The following GAS2L3 variants were observed in gnomAD, a reference collection of about 807,000 sequenced individuals.
GAS2L3 encodes growth arrest specific 2 like 3.
In GAS2L3, 28 loss-of-function variants were observed where a neutral mutation model predicts 37.0. The observed-to-expected ratio is 0.76, with a 90% CI of 0.56 to 1.04. The LOEUF (loss-of-function observed/expected upper bound fraction) is 1.04. Ranked by LOEUF, GAS2L3 falls within the 50% of genes least tolerant of loss-of-function variation. The probability of loss-of-function intolerance (pLI) is 0.00; values close to 1 mark genes in which losing one functional copy is unlikely to be tolerated. For synonymous variants in GAS2L3, 290 were observed against 296.6 expected (o/e 0.98, Z 0.23); for missense variants, 793 against 817.6 (o/e 0.97, Z 0.37).
At position 100,622,382 on chromosome 12, in the gene GAS2L3, A is replaced by C; in HGVS notation, c.756A>C (p.Arg252Ser). The stretch of plus-strand genomic sequence containing the variant: ...TAGGGGATAAAATACTCTTTATAAG[A>C]GTAAGTCCATTATTTACACTTTATT... ...YRLGDKILFIRMLHGKHVMVR... is the reference protein window; with the variant it reads ...YRLGDKILFISMLHGKHVMVR... The change falls in exon 9 of 10, where the codon AGA (arginine) becomes AGC (serine). Residue 252 changes from arginine (R) to serine (S), a missense_variant and splice_region_variant. Arg to Ser is a moderately radical substitution (Grantham distance 110). Transcript: ENST00000547754. 1 of 1,385,850 alleles carries C rather than the reference A, an allele frequency of 7.2e-7. No homozygotes were observed. The highest frequency in any genetic ancestry group is 1.0e-6 in the Non-Finnish European group (1 of 979,674). 85.8% of individuals were successfully genotyped at this position (1,385,850 alleles called of 1,614,324 possible). A position where few individuals can be genotyped will look rare whatever the true frequency, so the allele number is the denominator to read the frequency against.
chr12:100,578,654 C>T (rs1955668009), intron 1 of GAS2L3: 1 of 293,988 alleles, frequency 3.4e-6, no homozygotes, highest in South Asian at 8.2e-5. Flanking sequence ...GTGGGAGGTC[C>T]AGACACAGGT....
At chr12:100,576,095 G>A (rs1955633559) in intron 1 of GAS2L3, among the ~76,000 whole-genome samples, 1 of 152,170 alleles carries the variant, frequency 6.6e-6, no homozygotes, top group Non-Finnish European at 1.5e-5. Context: ...TTGGAGTTTT[G>A]ATGTTTGGAG....
chr12:100,586,341 C>T (rs1955781134), intron 1 of GAS2L3, among the ~76,000 whole-genome samples: 1 of 152,142 alleles, frequency 6.6e-6, no homozygotes, highest in Non-Finnish European at 1.5e-5. Flanking sequence ...ATAAAACGAG[C>T]CTCAGTAAAT....
At position 100,624,803 on chromosome 12, in the gene GAS2L3, T is replaced by G. The variant is rs776499087; in HGVS notation, c.1998T>G (p.Asp666Glu). 6.2e-7 allele frequency: 1 copy of G among 1,613,736 alleles called. No homozygotes were observed. The highest frequency in any genetic ancestry group is 1.1e-5 in the South Asian group (1 of 91,038). The stretch of plus-strand genomic sequence containing the variant: ...CACCCTCATCTGTTAAGGATGCAGA[T>G]AGTGGAGATAAAAAACCTACTGCAA... ...RKPPSSVKDA[D>E]SGDKKPTAKK... The change falls in exon 10 of 10, where the codon GAT becomes GAG. Residue 666 changes from aspartate (D) to glutamate (E), a missense_variant. Transcript: ENST00000547754.
chr12:100,618,466 C>G lies in GAS2L3; in HGVS notation c.527C>G (p.Pro176Arg), dbSNP rs745758550. Reference sequence around the variant, plus strand: ...GTTTTCAGATACGGGGTTGAGCCACCAGTGTTAGTAAAACTTGAGAAAGAA... The same window carrying G: ...GTTTTCAGATACGGGGTTGAGCCACGAGTGTTAGTAAAACTTGAGAAAGAA... ...RIVSRYGVEP[P>R]VLVKLEKEIE... The change falls in exon 8 of 10, where the codon CCA becomes CGA. Residue 176 changes from proline to arginine, a missense_variant. Coordinates refer to ENST00000547754, the MANE Select transcript of GAS2L3 (RefSeq NM_174942.3). The G allele has an allele frequency of 6.2e-7, 1 of 1,609,614 alleles. No homozygotes were observed. Among genetic ancestry groups the G allele is most frequent in the Non-Finnish European group, 8.5e-7 (1 of 1,178,140 alleles).
intron 2 of GAS2L3, chr12:100,594,634 T>C (rs926708187): frequency 8.7e-6 from 2 of 229,298 alleles, no homozygotes; most frequent in African/African-American, 4.5e-5. Flanking sequence ...TTGATGCTAA[T>C]GCCAGAAAAT....
chr12:100,599,444 T>C (rs1955956041), intron 3 of GAS2L3, among the ~76,000 whole-genome samples: 1 of 152,204 alleles, frequency 6.6e-6, no homozygotes, highest in Non-Finnish European at 1.5e-5. Context: ...GTAGGCAAAA[T>C]TGAGATACTA....
chr12:100,603,203 T>C (rs1366941160), intron 5 of GAS2L3, among the ~76,000 whole-genome samples: 1 of 152,156 alleles, frequency 6.6e-6, no homozygotes, highest in Non-Finnish European at 1.5e-5. Context: ...TTTTAGTTTT[T>C]TGAGGAACCT....
intron 1 of GAS2L3, chr12:100,579,274 C>A: frequency 1.6e-6 from 1 of 612,460 alleles, no homozygotes; most frequent in Non-Finnish European, 3.0e-6. Context: ...CTCTTTGTGA[C>A]ACAAGCCGTA....
intron 8 of GAS2L3, 54 bp downstream of exon 8, chr12:100,618,641 T>C: frequency 2.0e-6 from 3 of 1,523,382 alleles, no homozygotes. Flanking sequence ...TCTCATAGTT[T>C]TAAGCACTTC....
chr12:100,589,617 G>A (rs1955821789), intron 1 of GAS2L3, among the ~76,000 whole-genome samples: 1 of 151,988 alleles, frequency 6.6e-6, no homozygotes, highest in Admixed American at 6.6e-5. Flanking sequence ...CATAGCCAAA[G>A]CAAGACTAAT....
intron 3 of GAS2L3, among the ~76,000 whole-genome samples, chr12:100,599,098 G>A (rs887315012): frequency 3.9e-5 from 6 of 152,010 alleles, no homozygotes; most frequent in African/African-American, 1.2e-4. Context: ...CCTCACTCAT[G>A]CTCTGACTCT....
chr12:100,599,620 A>G (rs1253007486), intron 3 of GAS2L3, among the ~76,000 whole-genome samples: 2 of 152,176 alleles, frequency 1.3e-5, no homozygotes, highest in South Asian at 4.1e-4. Flanking sequence ...TGTTATTATG[A>G]TTTGAAGTTT....
Position 100,624,419 on chromosome 12 carries a change from A to ACCAT in GAS2L3, c.1617_1620dup (p.Asp541IlefsTer16). On this transcript the variant is annotated frameshift_variant, in exon 10 of 10. Coordinates refer to ENST00000547754, the MANE Select transcript of GAS2L3 (RefSeq NM_174942.3). LOFTEE classifies it low-confidence loss of function (END_TRUNC). ...CCACGGGTCTAGGAACACAGTCTCAACCATCCGATGGAGCCCCACAAGCAA... is the reference window on the plus strand; with the variant it reads ...CCACGGGTCTAGGAACACAGTCTCAACCATCCATCCGATGGAGCCCCACAAGCAA... The ACCAT allele has an allele frequency of 1.2e-6, 2 of 1,613,928 alleles. No homozygotes were observed. The highest frequency in any genetic ancestry group is 1.7e-6 in the Non-Finnish European group (2 of 1,180,002).
At chr12:100,598,750 T>G (rs934192488) in intron 3 of GAS2L3, among the ~76,000 whole-genome samples, 2 of 152,214 alleles carry the variant, frequency 1.3e-5, no homozygotes, top group Admixed American at 1.3e-4. Context: ...AGTCCCTTCA[T>G]GCTGGCTTAT....
chr12:100,581,812 AC>A (rs1955716121), intron 1 of GAS2L3, among the ~76,000 whole-genome samples: 2 of 152,210 alleles, frequency 1.3e-5, no homozygotes, highest in Non-Finnish European at 2.9e-5. Flanking sequence ...TTAAAGGCAT[AC>A]CACCGTTTTT....
chr12:100,581,331 A>T (rs1955709159), intron 1 of GAS2L3, among the ~76,000 whole-genome samples: 1 of 152,206 alleles, frequency 6.6e-6, no homozygotes, highest in African/African-American at 2.4e-5. Flanking sequence ...TATTAACTGT[A>T]ATTGTTGTTG....
intron 5 of GAS2L3, among the ~76,000 whole-genome samples, chr12:100,604,590 T>G (rs1956033859): frequency 6.6e-6 from 1 of 151,894 alleles, no homozygotes; most frequent in Non-Finnish European, 1.5e-5. Flanking sequence ...AAATCTTTCT[T>G]TCTCTTGTCT....
At position 100,623,580 on chromosome 12, in the gene GAS2L3, G is replaced by A. The variant is rs1956285979; in HGVS notation, c.775G>A (p.Val259Ile). The change falls in exon 10 of 10, where the codon GTC becomes ATC. Residue 259 changes from valine (V) to isoleucine (I), a missense_variant. By Grantham distance (29) the Val-to-Ile change is conservative (BLOSUM62 3). Coordinates refer to ENST00000547754, the MANE Select transcript of GAS2L3 (RefSeq NM_174942.3). ...GGGGCAGATGCTTCATGGAAAACAT[G>A]TCATGGTTCGCGTTGGTGGAGGCTG... ...LFIRMLHGKH[V>I]MVRVGGGWDT... is the part of the protein sequence containing the mutation. 1 of 1,603,070 alleles carries A rather than the reference G, an allele frequency of 6.2e-7. No homozygotes were observed. Among genetic ancestry groups the A allele is most frequent in the African/African-American group, 1.3e-5 (1 of 74,350 alleles).
Sources: allele counts gnomAD v4.1 joint callset (sites outside exome capture counted in the v4.1 genomes callset), GRCh38; gene constraint gnomAD v4.1.1; transcripts MANE v1.5; gene names NCBI Gene and HGNC (gene_info 2026-07-23, HGNC 2026-07-21).